ZNF527: variants seen among roughly 807,000 people sequenced by gnomAD.
The protein encoded by ZNF527 is zinc finger protein 527.
ZNF527 carries 5 observed loss-of-function variants against 13.5 expected under a neutral mutation model. That is an observed-to-expected ratio of 0.37 (90% CI 0.19 to 0.78). The LOEUF is 0.78. ZNF527 is among the 30% of genes least tolerant of loss of function. The probability of loss-of-function intolerance (pLI) is 0.48; values close to 1 mark genes in which losing one functional copy is unlikely to be tolerated. For missense variants in ZNF527, 628 were observed against 726.4 expected (o/e 0.86, Z 1.56); for synonymous variants, 209 against 243.1 (o/e 0.86, Z 1.30).
intron 4 of ZNF527, 101 bp downstream of exon 4, chr19:37,380,473 T>G: frequency 7.5e-6 from 7 of 936,358 alleles, no homozygotes; most frequent in Non-Finnish European, 1.1e-5. Flanking sequence ...AGAACTGAAA[T>G]CTCCATAGTA....
chr19:37,372,467 C>CTTTTTTTTTTTTTTTTTTTTTTTT (rs1022024971), intron 1 of ZNF527, among the ~76,000 whole-genome samples: 54 of 65,636 alleles, frequency 8.2e-4, no homozygotes, highest in Non-Finnish European at 1.1e-3. Context: ...CTTTTCTTTT[C>CTTTTTTTTTTTTTTTTTTTTTTTT]TTTTTTTTTT....
intron 2 of ZNF527, among the ~76,000 whole-genome samples, chr19:37,378,473 G>C (rs140933541): frequency 6.6e-6 from 1 of 152,250 alleles, no homozygotes; most frequent in Non-Finnish European, 1.5e-5. Flanking sequence ...AATATTTACT[G>C]AGAGTTTACA....
intron 4 of ZNF527, among the ~76,000 whole-genome samples, chr19:37,387,277 A>G (rs1218177581): frequency 6.6e-6 from 1 of 152,210 alleles, no homozygotes; most frequent in Non-Finnish European, 1.5e-5. Context: ...TGGAATCCTG[A>G]TTATAGCCTT....
chr19:37,384,589 C>A lies in ZNF527; in HGVS notation c.257-3717C>A, dbSNP rs2040682591. Among the ~76,000 whole-genome samples, 2 of 151,986 alleles carry A rather than the reference C, an allele frequency of 1.3e-5. 1 individual carries two copies. Among genetic ancestry groups the A allele is most frequent in the South Asian group, 4.1e-4 (2 of 4,834 alleles). ...TAATTTACAAGATACTCAACTTGTT[C>A]TGGGAAGTGATTGTATCAGTTTATG... On this transcript the variant is annotated intron_variant, in intron 4 of 4. Coordinates refer to ENST00000436120, the MANE Select transcript of ZNF527 (RefSeq NM_032453.2).
intron 4 of ZNF527, chr19:37,385,068 C>A: frequency 1.8e-6 from 1 of 560,624 alleles, no homozygotes; most frequent in Non-Finnish European, 3.3e-6. Flanking sequence ...TCAAGCGATC[C>A]TCCCATCTTG....
chr19:37,375,574 T>C (rs898987693), intron 2 of ZNF527, among the ~76,000 whole-genome samples: 1 of 151,816 alleles, frequency 6.6e-6, no homozygotes, highest in East Asian at 1.9e-4. Flanking sequence ...TTGGCCAAGA[T>C]GGTCTTGATC....
intron 4 of ZNF527, chr19:37,384,931 C>T: frequency 4.3e-6 from 3 of 702,212 alleles, no homozygotes; most frequent in Non-Finnish European, 7.8e-6. Context: ...CAGCCTATAC[C>T]TACGGAACTC....
rs554211837 is a variant in ZNF527, at chr19:37,380,263, TC to T, written c.161-10del. The T allele has an allele frequency of 8.1e-6, 13 of 1,613,294 alleles. No individual in the cohort carries two copies. The South Asian group carries it at 1.4e-4, about 18-fold the overall frequency. ...TTCTGTCTCTTGCTCTCATTTTTCTTCCCCTGTGAACAGGACTCTCCATTTC... is the reference window on the plus strand; with the variant it reads ...TTCTGTCTCTTGCTCTCATTTTTCTTCCCTGTGAACAGGACTCTCCATTTC... On this transcript the variant is annotated splice_polypyrimidine_tract_variant and intron_variant, in intron 3 of 4. Transcript: ENST00000436120.
At position 37,390,093 on chromosome 19, in the gene ZNF527, A is replaced by G; in HGVS notation, c.*214A>G. On this transcript the variant is annotated 3_prime_UTR_variant, in exon 5 of 5. Coordinates refer to ENST00000436120, the MANE Select transcript of ZNF527 (RefSeq NM_032453.2). ...GCCCAGGCTGGAGTGCAGTGGTGTA[A>G]TCTTGGCTCACTGCAGCCTCTGCCT... The G allele has an allele frequency of 2.2e-6, 1 of 452,592 alleles. No individual in the cohort carries two copies. Among genetic ancestry groups the G allele is most frequent in the Non-Finnish European group, 3.7e-6 (1 of 272,372 alleles). 28.0% of individuals were successfully genotyped at this position (452,592 alleles called of 1,614,324 possible).
chr19:37,384,833 G>T, intron 4 of ZNF527: 1 of 663,068 alleles, frequency 1.5e-6, no homozygotes, highest in Non-Finnish European at 2.8e-6. Flanking sequence ...TGAATTACCT[G>T]CTCATACATT....
In ZNF527 at chr19:37,388,798, A is replaced by G. The variant is rs1009419539; in HGVS notation, c.749A>G (p.Asp250Gly). ...PPGEKPYESHDFSKLLSFHSL... is the reference protein window; with the variant it reads ...PPGEKPYESHGFSKLLSFHSL... ...GGGGAGAAACCTTATGAAAGTCATGATTTTTCAAAGCTCTTAAGTTTCCAC... is the reference window on the plus strand; with the variant it reads ...GGGGAGAAACCTTATGAAAGTCATGGTTTTTCAAAGCTCTTAAGTTTCCAC... The change falls in exon 5 of 5, where the codon GAT becomes GGT. Residue 250 changes from aspartate (D) to glycine (G), a missense_variant. Physicochemically the swap from Asp to Gly is moderately conservative, Grantham distance 94. Transcript: ENST00000436120. 10 of 1,612,936 alleles carry G rather than the reference A, an allele frequency of 6.2e-6. No individual in the cohort carries two copies. Among genetic ancestry groups the G allele is most frequent in the African/African-American group, 2.7e-5 (2 of 74,812 alleles).
intron 4 of ZNF527, among the ~76,000 whole-genome samples, chr19:37,381,232 G>A (rs1279320534): frequency 6.6e-6 from 1 of 152,034 alleles, no homozygotes; most frequent in Non-Finnish European, 1.5e-5. Context: ...TTTTTGCTCA[G>A]TTTATATATA....
intron 2 of ZNF527, among the ~76,000 whole-genome samples, chr19:37,375,605 T>G (rs2040601775): frequency 6.6e-6 from 1 of 151,922 alleles, no homozygotes; most frequent in Non-Finnish European, 1.5e-5. Flanking sequence ...GTGATCTGCC[T>G]GCCTCGGCCT....
At chr19:37,380,250 C>G in intron 3 of ZNF527, 27 bp from the exon 4 acceptor site, 1 of 1,612,514 alleles carries the variant, frequency 6.2e-7, no homozygotes, top group Non-Finnish European at 8.5e-7. Context: ...CTGTCTCTTG[C>G]TCTCATTTTT....
intron 2 of ZNF527, among the ~76,000 whole-genome samples, chr19:37,374,462 C>T (rs2040583621): frequency 6.6e-6 from 1 of 152,140 alleles, no homozygotes; most frequent in South Asian, 2.1e-4. Context: ...TTTGTTGAGT[C>T]GGCAATGAGT....
At position 37,391,880 on chromosome 19, in the gene ZNF527, A is replaced by G. The variant is rs1382310486; in HGVS notation, c.*2001A>G. On this transcript the variant is annotated 3_prime_UTR_variant, in exon 5 of 5. Coordinates refer to ENST00000436120, the MANE Select transcript of ZNF527 (RefSeq NM_032453.2). ...TGGGCCATCTTGAATAGTGAGAACCAGTAAGAATATTGGGTATTGCCTGAA... is the reference window on the plus strand; with the variant it reads ...TGGGCCATCTTGAATAGTGAGAACCGGTAAGAATATTGGGTATTGCCTGAA... The G allele has an allele frequency of 1.3e-5, 2 of 152,196 alleles. No homozygotes were observed. The highest frequency in any genetic ancestry group is 2.9e-5 in the Non-Finnish European group (2 of 68,032). The allele number at this position is 152,196 out of a possible 1,614,324, so 9.4% of individuals were successfully genotyped here.
At position 37,390,492 on chromosome 19, in the gene ZNF527, T is replaced by C. The variant is rs1434551614; in HGVS notation, c.*613T>C. The C allele has an allele frequency of 1.3e-5, 2 of 152,352 alleles. No individual in the cohort carries two copies. The highest frequency in any genetic ancestry group is 4.8e-5 in the African/African-American group (2 of 41,470). The allele number at this position is 152,352 out of a possible 1,614,324, so 9.4% of individuals were successfully genotyped here. The stretch of plus-strand genomic sequence containing the variant: ...GGATTGGCAAATGGCCCTGTCTGGA[T>C]CAATGAAGTCCTTTGCGGGTATTCC... On this transcript the variant is annotated 3_prime_UTR_variant, in exon 5 of 5. Transcript: ENST00000436120.
chr19:37,380,508 C>T (rs2040645475), intron 4 of ZNF527, 136 bp downstream of exon 4: 3 of 594,266 alleles, frequency 5.0e-6, no homozygotes, highest in Non-Finnish European at 8.4e-6. Flanking sequence ...AACCTCACCA[C>T]ACCCTGGGGT....
intron 2 of ZNF527, among the ~76,000 whole-genome samples, chr19:37,375,334 TCTTTC>T (rs1568691651): frequency 2.1e-4 from 30 of 145,848 alleles, no homozygotes; most frequent in Non-Finnish European, 2.6e-4. Flanking sequence ...TTTCTTTCTT[TCTTTC>T]CTTTCTTTCC....
Sources: gnomAD v4.1 joint callset for allele counts (sites outside exome capture counted in the v4.1 genomes callset) on GRCh38, gnomAD v4.1.1 for gene constraint, MANE v1.5 for transcripts, NCBI Gene and HGNC (gene_info 2026-07-23, HGNC 2026-07-21) for gene names.